SLC12A3: variants seen among roughly 807,000 people sequenced by gnomAD.
SLC12A3 encodes the protein Na-Cl cotransporter.
In SLC12A3, 104 loss-of-function variants were observed where a neutral mutation model predicts 121.0. That is an observed-to-expected ratio of 0.86 (90% CI 0.73 to 1.01). The LOEUF is 1.01. Among genes scored for constraint, SLC12A3 ranks in the 50% least tolerant of loss-of-function variants. The probability of loss-of-function intolerance (pLI) is 0.00; values close to 1 mark genes in which losing one functional copy is unlikely to be tolerated. For synonymous variants in SLC12A3, 536 were observed against 533.4 expected (o/e 1.00, Z -0.07); for missense variants, 1,328 against 1,356.3 (o/e 0.98, Z 0.33).
chr16:56,885,322 C>T lies in SLC12A3; in HGVS notation c.1883C>T (p.Ser628Leu), dbSNP rs371015546. 102 of 1,556,144 alleles carry T rather than the reference C, an allele frequency of 6.6e-5. No individual in the cohort carries two copies. Among genetic ancestry groups the T allele is most frequent in the East Asian group, 1.9e-4 (8 of 41,416 alleles). Residue 628 changes from serine (S) to leucine (L), a missense_variant, in exon 15 of 26, where the codon TCG (serine) becomes TTG (leucine). Coordinates refer to ENST00000563236, the MANE Select transcript of SLC12A3 (RefSeq NM_001126108.2). ...TCCTACAACCTGGCCCTCAGCTACT[C>T]GGTGGGCCTCAATGAGGTGGAAGAC... ...AGSYNLALSYSVGLNEVEDHI... is the reference protein window; with the variant it reads ...AGSYNLALSYLVGLNEVEDHI...
In SLC12A3 at chr16:56,886,934, C is replaced by G; in HGVS notation, c.2038-19C>G. Reference sequence around the variant, plus strand: ...GGGTGAAGGCAGCTGGTGATGTCCCCTGCCCCTCCCACCCACAGGGACCCC... The same window carrying G: ...GGGTGAAGGCAGCTGGTGATGTCCCGTGCCCCTCCCACCCACAGGGACCCC... On this transcript the variant is annotated intron_variant, in intron 16 of 25. Transcript: ENST00000563236. 1 of 1,613,154 alleles carries G rather than the reference C, an allele frequency of 6.2e-7. No individual in the cohort carries two copies. The highest frequency in any genetic ancestry group is 1.1e-5 in the South Asian group (1 of 91,044).
chr16:56,868,470 G>T, intron 3 of SLC12A3, 98 bp downstream of exon 3: 2 of 1,243,816 alleles, frequency 1.6e-6, no homozygotes, highest in Non-Finnish European at 1.1e-6. Context: ...AAGGTTGCAG[G>T]ATTAAACTTG....
chr16:56,893,346 G>C (rs2055416067), intron 21 of SLC12A3, among the ~76,000 whole-genome samples: 1 of 152,226 alleles, frequency 6.6e-6, no homozygotes, highest in South Asian at 2.1e-4. Flanking sequence ...GCCCAGGAAA[G>C]CTGGAGGAAT....
chr16:56,902,615 C>A, intron 24 of SLC12A3, 107 bp downstream of exon 24: 1 of 1,372,810 alleles, frequency 7.3e-7, no homozygotes, highest in Non-Finnish European at 1.0e-6. Flanking sequence ...CTCCACCCTG[C>A]CTTCCACTCC....
chr16:56,870,840 CTTTT>C, intron 6 of SLC12A3, 104 bp downstream of exon 6: 4 of 568,524 alleles, frequency 7.0e-6, no homozygotes, highest in Non-Finnish European at 6.2e-6. Context: ...TTTTTCTTTT[CTTTT>C]TTTTTTTTTG....
At chr16:56,868,061 G>C (rs1052520535) in intron 2 of SLC12A3, among the ~76,000 whole-genome samples, 3 of 152,200 alleles carry the variant, frequency 2.0e-5, no homozygotes, top group Non-Finnish European at 4.4e-5. Context: ...GTAGCCTAGC[G>C]TCAGGACTCA....
At chr16:56,910,435 C>T (rs1161848373) in intron 25 of SLC12A3, among the ~76,000 whole-genome samples, 3 of 152,150 alleles carry the variant, frequency 2.0e-5, no homozygotes, top group African/African-American at 7.2e-5. Flanking sequence ...TCCCGGGACT[C>T]AAACAATCCT....
Position 56,913,513 on chromosome 16 carries a change from T to C in SLC12A3, c.*108T>C. 1 of 1,131,422 alleles carries C rather than the reference T, an allele frequency of 8.8e-7. No homozygotes were observed. Among genetic ancestry groups the C allele is most frequent in the South Asian group, 1.2e-5 (1 of 80,736 alleles). The allele number at this position is 1,131,422 out of a possible 1,614,324, so 70.1% of individuals were successfully genotyped here. On this transcript the variant is annotated 3_prime_UTR_variant, in exon 26 of 26. Transcript: ENST00000563236. ...GACTCATGTTCTGTTGCACTTTAAGTGGCAGCATCTGATGATCTCACCGAA... is the reference window on the plus strand; with the variant it reads ...GACTCATGTTCTGTTGCACTTTAAGCGGCAGCATCTGATGATCTCACCGAA...
At position 56,892,295 on chromosome 16, in the gene SLC12A3, G is replaced by A. The variant is rs1482616180; in HGVS notation, c.2419+162G>A. 6 of 689,904 alleles carry A rather than the reference G, an allele frequency of 8.7e-6. No homozygotes were observed. In the East Asian group the frequency reaches 1.1e-4, roughly 12 times the overall value. 42.7% of individuals were successfully genotyped at this position (689,904 alleles called of 1,614,324 possible). On this transcript the variant is annotated intron_variant, in intron 20 of 25. Transcript: ENST00000563236. ...GCCTGAGTAACTGGAGTTGGGAACT[G>A]GAGGGGCTTGGCCGTGTCAAAGATT...
intron 25 of SLC12A3, among the ~76,000 whole-genome samples, chr16:56,909,795 GA>G (rs55674033): frequency 0.17 from 24,980 of 147,834 alleles, 2,082 homozygotes; most frequent in East Asian, 0.25. Context: ...CTGAGGAAGG[GA>G]AAAAAAAAAA....
chr16:56,870,903 C>T (rs1176560680), intron 6 of SLC12A3, among the ~76,000 whole-genome samples, 167 bp downstream of exon 6: 2 of 151,554 alleles, frequency 1.3e-5, no homozygotes, highest in African/African-American at 2.4e-5. Flanking sequence ...GGTACCATCT[C>T]GGCTCACTGC....
At chr16:56,893,974 TA>T (rs1373202461) in intron 21 of SLC12A3, among the ~76,000 whole-genome samples, 1 of 54,416 alleles carries the variant, frequency 1.8e-5, no homozygotes, top group African/African-American at 1.4e-4. Flanking sequence ...ATTTTTATTT[TA>T]TTTATTTATT....
At position 56,880,945 on chromosome 16, in the gene SLC12A3, C is replaced by T. The variant is rs1187298643; in HGVS notation, c.1567+692C>T. 3.3e-5 allele frequency among the ~76,000 whole-genome samples: 5 copies of T among 152,232 alleles called. No individual in the cohort carries two copies. In the East Asian group the frequency reaches 9.6e-4, roughly 29 times the overall value. On this transcript the variant is annotated intron_variant, in intron 12 of 25. Transcript: ENST00000563236. ...GAAGAGACCACCTGTGCAGGAAGAC[C>T]TACATGCATTCATATATGCACACAC...
intron 3 of SLC12A3, among the ~76,000 whole-genome samples, chr16:56,869,168 AAC>A (rs1964430896): frequency 6.6e-6 from 1 of 152,128 alleles, no homozygotes; most frequent in South Asian, 2.1e-4. Context: ...TGCAAGTAAA[AAC>A]ACAGCGCAGA....
At chr16:56,866,888 G>A (rs1176398580) in intron 1 of SLC12A3, among the ~76,000 whole-genome samples, 182 bp from the exon 2 acceptor site, 3 of 152,334 alleles carry the variant, frequency 2.0e-5, no homozygotes, top group Middle Eastern at 6.8e-3. Context: ...TACTACAGGC[G>A]TGAGCCACTG....
chr16:56,906,871 G>A, intron 25 of SLC12A3: 4 of 602,186 alleles, frequency 6.6e-6, no homozygotes, highest in South Asian at 6.0e-5. Flanking sequence ...TGCAAGAACA[G>A]AATGAAGGAA....
rs962388500 is a variant in SLC12A3, at chr16:56,913,559, T to G, written c.*154T>G. ...CCGAAAAAGATGGTAGATTTCCAAA[T>G]CTGGCTGGACTCCACTTCCATGGGA... On this transcript the variant is annotated 3_prime_UTR_variant, in exon 26 of 26. Transcript: ENST00000563236. 8 of 819,730 alleles carry G rather than the reference T, an allele frequency of 9.8e-6. No individual in the cohort carries two copies. Among genetic ancestry groups the G allele is most frequent in the Middle Eastern group, 2.3e-4 (1 of 4,326 alleles). The allele number at this position is 819,730 out of a possible 1,614,324, so 50.8% of individuals were successfully genotyped here.
rs907920019 is a variant in SLC12A3, at chr16:56,913,167, G to A, written c.2925-97G>A. ...GTGGGTGGAAGGAGCTCTGAGGGAC[G>A]GTAAACAGACTCGCTGTTCTGAAAA... is the stretch of plus-strand genomic sequence containing the variant. On this transcript the variant is annotated intron_variant, in intron 25 of 25. Transcript: ENST00000563236. 23 of 1,534,256 alleles carry A rather than the reference G, an allele frequency of 1.5e-5. No individual in the cohort carries two copies. The African/African-American group carries it at 1.8e-4, about 12-fold the overall frequency.
chr16:56,893,921 G>A (rs1286503319), intron 21 of SLC12A3, among the ~76,000 whole-genome samples: 5 of 151,582 alleles, frequency 3.3e-5, no homozygotes, highest in Admixed American at 6.6e-5. Context: ...GGGACTACAG[G>A]CGGCTGCCAC....
Sources: allele counts gnomAD v4.1 joint callset (sites outside exome capture counted in the v4.1 genomes callset), GRCh38; gene constraint gnomAD v4.1.1; transcripts MANE v1.5; gene names NCBI Gene and HGNC (gene_info 2026-07-23, HGNC 2026-07-21).